Variants in MTFR1 observed in about 807,000 individuals in gnomAD.
MTFR1 encodes the protein mitochondrial fission regulator 1.
A neutral mutation model predicts 38.8 loss-of-function variants in MTFR1; 28 were observed. The ratio of observed to expected loss-of-function variants is 0.72; its 90% CI spans 0.53 to 0.99. The LOEUF (loss-of-function observed/expected upper bound fraction) is 0.99. Among genes scored for constraint, MTFR1 ranks in the 50% least tolerant of loss-of-function variants. The pLI, the probability that MTFR1 is intolerant of heterozygous loss-of-function variation, is 0.00. For missense variants in MTFR1, 358 were observed against 395.5 expected, an observed-to-expected ratio of 0.91 and a Z score of 0.81; for synonymous variants, 145 against 137.0, an observed-to-expected ratio of 1.06 and a Z score of -0.41.
intron 2 of MTFR1, among the ~76,000 whole-genome samples, chr8:65,717,282 T>C (rs983839601): frequency 8.5e-5 from 13 of 152,236 alleles, no homozygotes; most frequent in Non-Finnish European, 1.3e-4. Flanking sequence ...TGGGAAGATA[T>C]AGGGAATGGC....
chr8:65,774,948 G>A (rs903230968), downstream of MTFR1, among the ~76,000 whole-genome samples: 1 of 152,100 alleles, frequency 6.6e-6, no homozygotes, highest in Admixed American at 6.5e-5. Flanking sequence ...TTAGTATTAC[G>A]ATGAAAATAG....
intron 3 of MTFR1, among the ~76,000 whole-genome samples, chr8:65,746,080 G>C (rs1464371361): frequency 6.6e-6 from 1 of 151,226 alleles, no homozygotes; most frequent in Admixed American, 6.6e-5. Flanking sequence ...ACAAGCATGT[G>C]TTACCATACC....
At chr8:65,725,056 T>C (rs1031314316) in intron 3 of MTFR1, 21 of 482,926 alleles carry the variant, frequency 4.3e-5, no homozygotes, top group Non-Finnish European at 7.3e-5. Context: ...TTAAAATTTA[T>C]CACACAAAAA....
chr8:65,728,959 C>T (rs1441558220), intron 3 of MTFR1, among the ~76,000 whole-genome samples: 2 of 151,904 alleles, frequency 1.3e-5, no homozygotes, highest in East Asian at 3.9e-4. Flanking sequence ...ACAAATCACA[C>T]ATGCAAAAAA....
chr8:65,711,311 C>T (rs568124332), downstream of MTFR1, among the ~76,000 whole-genome samples: 1 of 152,122 alleles, frequency 6.6e-6, no homozygotes, highest in East Asian at 1.9e-4. Flanking sequence ...TTAGGAATGC[C>T]TATGTGTCTG....
chr8:65,655,331 G>A (rs1450740259), intron 1 of MTFR1, among the ~76,000 whole-genome samples: 2 of 152,124 alleles, frequency 1.3e-5, no homozygotes, highest in African/African-American at 2.4e-5. Flanking sequence ...AGTTTGATTA[G>A]CCTGTGTTCA....
chr8:65,650,156 G>A (rs973588304), intron 1 of MTFR1, among the ~76,000 whole-genome samples: 2 of 149,750 alleles, frequency 1.3e-5, no homozygotes, highest in African/African-American at 4.9e-5. Flanking sequence ...TGTATTTTTA[G>A]TAGAGACAGG....
chr8:65,752,006 C>G (rs1314554838), intron 3 of MTFR1, among the ~76,000 whole-genome samples: 1 of 152,072 alleles, frequency 6.6e-6, no homozygotes, highest in East Asian at 1.9e-4. Context: ...TTAGCCAGTC[C>G]TCTACTGAAG....
At chr8:65,682,926 A>G (rs1253786429) in intron 3 of MTFR1, 3 of 985,076 alleles carry the variant, frequency 3.0e-6, no homozygotes, top group Non-Finnish European at 3.6e-6. Context: ...CTTGGCAATG[A>G]CAGTGTCAAG....
intron 2 of MTFR1, among the ~76,000 whole-genome samples, chr8:65,670,432 TAAC>T (rs1804536429): frequency 1.3e-5 from 2 of 152,116 alleles, no homozygotes; most frequent in African/African-American, 2.4e-5. Flanking sequence ...CTCTTAAAAA[TAAC>T]AACTATTGAT....
In MTFR1 at chr8:65,704,691, C is replaced by T; in HGVS notation, c.282-3C>T. 1 of 1,613,100 alleles carries T rather than the reference C, an allele frequency of 6.2e-7. No homozygotes were observed. The highest frequency in any genetic ancestry group is 8.5e-7 in the Non-Finnish European group (1 of 1,179,180). ...GACAGCCCACCTTATGTCTTCCTTG[C>T]AGGACAGAGGTCAGATCAAGGCCAC... On this transcript the variant is annotated splice_polypyrimidine_tract_variant and splice_region_variant and intron_variant, in intron 4 of 7. Coordinates refer to ENST00000262146, the MANE Select transcript of MTFR1 (RefSeq NM_014637.4).
chr8:65,654,064 C>G (rs376550019), intron 1 of MTFR1, among the ~76,000 whole-genome samples: 1 of 83,676 alleles, frequency 1.2e-5, no homozygotes, highest in Non-Finnish European at 2.4e-5. Flanking sequence ...CTTTGTCTCT[C>G]AAAAAAAAAA....
At chr8:65,772,577 A>G (rs1358424774), downstream of MTFR1, among the ~76,000 whole-genome samples, 1 of 152,228 alleles carries the variant, frequency 6.6e-6, no homozygotes, top group East Asian at 1.9e-4. Context: ...GATATCTTCA[A>G]CTAGTGCAAG....
chr8:65,718,981 A>C (rs1806260664), intron 2 of MTFR1: 1 of 377,916 alleles, frequency 2.6e-6, no homozygotes, highest in African/African-American at 2.0e-5. Flanking sequence ...TTTGAAGATT[A>C]GATGCTTTGA....
intron 3 of MTFR1, among the ~76,000 whole-genome samples, chr8:65,769,000 C>T (rs1418924248): frequency 6.6e-6 from 1 of 152,082 alleles, no homozygotes; most frequent in Non-Finnish European, 1.5e-5. Flanking sequence ...GTAATCCCAG[C>T]ACTTTGGAAG....
At chr8:65,683,804 C>T (rs1223165016) in intron 3 of MTFR1, among the ~76,000 whole-genome samples, 2 of 151,574 alleles carry the variant, frequency 1.3e-5, no homozygotes, top group African/African-American at 2.4e-5. Flanking sequence ...GGATTACAGG[C>T]GTGAGCCACT....
At chr8:65,724,167 C>T (rs1438320391) in intron 3 of MTFR1, 3 of 765,198 alleles carry the variant, frequency 3.9e-6, no homozygotes, top group South Asian at 1.5e-5. Flanking sequence ...ACTGCTAGAC[C>T]CATATAAATT....
chr8:65,649,526 T>G (rs1809059523), intron 1 of MTFR1, among the ~76,000 whole-genome samples: 1 of 152,080 alleles, frequency 6.6e-6, no homozygotes, highest in African/African-American at 2.4e-5. Flanking sequence ...ATAATAGGTA[T>G]ATGTATTTAT....
chr8:65,647,810 A>C (rs988303761), intron 1 of MTFR1, among the ~76,000 whole-genome samples: 25 of 152,294 alleles, frequency 1.6e-4, no homozygotes, highest in East Asian at 5.8e-4. Flanking sequence ...AAGCAACAAA[A>C]AAAAAAATGA....
Sources: allele counts gnomAD v4.1 joint callset (sites outside exome capture counted in the v4.1 genomes callset), GRCh38; gene constraint gnomAD v4.1.1; transcripts MANE v1.5; gene names NCBI Gene and HGNC (gene_info 2026-07-23, HGNC 2026-07-21).